The following PKIB variants were observed in gnomAD, a reference collection of about 807,000 sequenced individuals.
PKIB encodes the protein PKI-beta.
Under a neutral mutation model 4.5 loss-of-function variants are expected in PKIB, and 2 were observed. The ratio of observed to expected loss-of-function variants is 0.44; its 90% CI spans 0.18 to 1.39. PKIB has a LOEUF of 1.39. Ranked by LOEUF, PKIB falls within the 40% of genes most tolerant of loss-of-function variation. PKIB has a pLI of 0.27. For missense variants in PKIB, 94 were observed against 92.6 expected, an observed-to-expected ratio of 1.02 and a Z score of -0.06; for synonymous variants, 38 against 36.0, an observed-to-expected ratio of 1.06 and a Z score of -0.20.
intron 2 of PKIB, among the ~76,000 whole-genome samples, chr6:122,661,302 T>C (rs1233350696): frequency 1.3e-5 from 2 of 152,138 alleles, no homozygotes; most frequent in Non-Finnish European, 2.9e-5. Context: ...TTTAGGTCAT[T>C]TTCATCACCC....
chr6:122,644,827 C>A (rs1363432746), intron 2 of PKIB: 2 of 151,984 alleles, frequency 1.3e-5, no homozygotes, highest in Non-Finnish European at 2.9e-5. Flanking sequence ...CTGATGATTT[C>A]TTTGTCATTT....
chr6:122,660,940 A>G (rs1200198766), intron 2 of PKIB, among the ~76,000 whole-genome samples: 1 of 152,218 alleles, frequency 6.6e-6, no homozygotes, highest in East Asian at 1.9e-4. Context: ...ATTTATACTT[A>G]GACTTTTTTA....
intron 2 of PKIB, among the ~76,000 whole-genome samples, chr6:122,535,943 T>C (rs1777393770): frequency 6.6e-6 from 1 of 152,164 alleles, no homozygotes; most frequent in South Asian, 2.1e-4. Context: ...CAATTTTCTT[T>C]TTCTTTTAGA....
At chr6:122,586,811 C>A (rs1215926695) in intron 3 of PKIB, among the ~76,000 whole-genome samples, 1 of 152,082 alleles carries the variant, frequency 6.6e-6, no homozygotes, top group Non-Finnish European at 1.5e-5. Context: ...GAAACAACTC[C>A]AAGAACTCTC....
At chr6:122,708,682 G>A (rs1233809398) in intron 3 of PKIB, among the ~76,000 whole-genome samples, 1 of 152,142 alleles carries the variant, frequency 6.6e-6, no homozygotes, top group Non-Finnish European at 1.5e-5. Context: ...TGCCCAGGCT[G>A]GAGTGTAGTA....
intron 2 of PKIB, among the ~76,000 whole-genome samples, chr6:122,528,728 C>G (rs528583948): frequency 6.6e-6 from 1 of 152,132 alleles, no homozygotes; most frequent in South Asian, 2.1e-4. Context: ...CTCGTCTCTA[C>G]AAAAAATAAA....
intron 2 of PKIB, among the ~76,000 whole-genome samples, chr6:122,529,646 C>T (rs918000779): frequency 6.6e-6 from 1 of 152,096 alleles, no homozygotes; most frequent in African/African-American, 2.4e-5. Context: ...TTTGCTTGGT[C>T]TGGGAAAATC....
rs147726436 is a variant in PKIB, at chr6:122,601,772, A to G, written c.-161+15765A>G. Among the ~76,000 whole-genome samples, 11 of 152,276 alleles carry G rather than the reference A, an allele frequency of 7.2e-5. No homozygotes were observed. In the East Asian group the frequency reaches 2.1e-3, roughly 30 times the overall value. ...ACTTTATCAGTATATAGTACATATA[A>G]CATACAAAACTGTGTTAATCAACTG... On this transcript the variant is annotated intron_variant, in intron 3 of 6. Coordinates refer to the PKIB transcript ENST00000392491.
intron 1 of PKIB, among the ~76,000 whole-genome samples, chr6:122,613,041 T>G (rs2114764843): frequency 6.6e-6 from 1 of 152,330 alleles, no homozygotes; most frequent in South Asian, 2.1e-4. Flanking sequence ...GAAAAAAATG[T>G]CGCAATATTT....
chr6:122,541,018 T>G (rs896211362), intron 2 of PKIB, among the ~76,000 whole-genome samples: 3 of 151,542 alleles, frequency 2.0e-5, no homozygotes, highest in Admixed American at 6.6e-5. Flanking sequence ...GCCTTTTTTT[T>G]GTTTTCCATT....
At chr6:122,660,549 A>G (rs1776945497) in intron 2 of PKIB, among the ~76,000 whole-genome samples, 1 of 152,178 alleles carries the variant, frequency 6.6e-6, no homozygotes, top group Non-Finnish European at 1.5e-5. Context: ...ATATGTTTAC[A>G]ATTGTAATCA....
At chr6:122,625,024 A>C (rs1020574551) in intron 1 of PKIB, among the ~76,000 whole-genome samples, 1 of 152,218 alleles carries the variant, frequency 6.6e-6, no homozygotes, top group Non-Finnish European at 1.5e-5. Context: ...AAGTTTGTCA[A>C]CATTTTTAAG....
rs537179584 is a variant in PKIB, at chr6:122,491,210, T to C, written c.-248+13271T>C. On this transcript the variant is annotated intron_variant, in intron 2 of 6. Transcript: ENST00000392491. The stretch of plus-strand genomic sequence containing the variant: ...CCATGGTCTTGCATCCCTTATCTCT[T>C]TATTCTGCACTTGGAGCTGCCTGTT... Among the ~76,000 whole-genome samples, 5 of 152,306 alleles carry C rather than the reference T, an allele frequency of 3.3e-5. No homozygotes were observed. In the South Asian group the frequency reaches 1.0e-3, roughly 32 times the overall value.
chr6:122,555,564 G>A (rs1772812145), intron 2 of PKIB, among the ~76,000 whole-genome samples: 1 of 152,166 alleles, frequency 6.6e-6, no homozygotes, highest in Non-Finnish European at 1.5e-5. Flanking sequence ...GAAAAAAATA[G>A]AAGATAAAAG....
chr6:122,637,364 A>G (rs1222281886), intron 2 of PKIB, among the ~76,000 whole-genome samples: 1 of 152,126 alleles, frequency 6.6e-6, no homozygotes, highest in Non-Finnish European at 1.5e-5. Flanking sequence ...TAAAGCAGAA[A>G]TTTTTCTGGG....
chr6:122,710,281 G>C (rs956561316), intron 3 of PKIB, among the ~76,000 whole-genome samples: 1 of 152,102 alleles, frequency 6.6e-6, no homozygotes, highest in African/African-American at 2.4e-5. Context: ...TCATTGAAAA[G>C]GGAACTGACT....
chr6:122,534,686 C>T (rs1034672871), intron 2 of PKIB, among the ~76,000 whole-genome samples: 1 of 151,930 alleles, frequency 6.6e-6, no homozygotes, highest in African/African-American at 2.4e-5. Context: ...AAAATTATCT[C>T]GCTATTTTGC....
chr6:122,638,246 T>A (rs1007349851), intron 2 of PKIB, among the ~76,000 whole-genome samples: 20 of 152,310 alleles, frequency 1.3e-4, no homozygotes, highest in Middle Eastern at 6.8e-3. Context: ...ATAATTTTTT[T>A]AAAGTTTTAA....
At chr6:122,564,858 C>A (rs373128326) in intron 2 of PKIB, among the ~76,000 whole-genome samples, 3 of 152,134 alleles carry the variant, frequency 2.0e-5, no homozygotes, top group South Asian at 4.1e-4. Context: ...TATTTCCAAG[C>A]ATTTGCCGCC....
Sources: allele counts gnomAD v4.1 joint callset (sites outside exome capture counted in the v4.1 genomes callset), GRCh38; gene constraint gnomAD v4.1.1; transcripts MANE v1.5; gene names NCBI Gene and HGNC (gene_info 2026-07-23, HGNC 2026-07-21).